The following PTPN3 variants were observed in gnomAD, a reference collection of about 807,000 sequenced individuals.
PTPN3 encodes the protein tyrosine-protein phosphatase non-receptor type 3.
Under a neutral mutation model 132.7 loss-of-function variants are expected in PTPN3, and 96 were observed. The observed-to-expected ratio is 0.72, with a 90% CI of 0.61 to 0.86. The LOEUF (loss-of-function observed/expected upper bound fraction) is 0.86. Among genes scored for constraint, PTPN3 ranks in the 40% least tolerant of loss-of-function variants. The pLI, the probability that PTPN3 is intolerant of heterozygous loss-of-function variation, is 0.00. For synonymous variants in PTPN3, 398 were observed against 429.0 expected (o/e 0.93, Z 0.89); for missense variants, 1,125 against 1,159.6 (o/e 0.97, Z 0.43).
intron 1 of PTPN3, among the ~76,000 whole-genome samples, chr9:109,478,330 C>T (rs1846788098): frequency 6.6e-6 from 1 of 152,230 alleles, no homozygotes; most frequent in African/African-American, 2.4e-5. Context: ...CTCATGATCA[C>T]TATCCAACAT....
intron 21 of PTPN3, among the ~76,000 whole-genome samples, chr9:109,390,686 A>G (rs1839997664): frequency 6.6e-6 from 1 of 152,216 alleles, no homozygotes; most frequent in South Asian, 2.1e-4. Flanking sequence ...AGAGAAAATA[A>G]GTGCTTTTCC....
intron 14 of PTPN3, among the ~76,000 whole-genome samples, chr9:109,415,040 G>GTCCGTCCGTCCA (rs1564413420): frequency 1.0e-4 from 15 of 147,178 alleles, no homozygotes; most frequent in Admixed American, 6.2e-4. Context: ...CTGTCCGTCC[G>GTCCGTCCGTCCA]TCCGTCCGTC....
At chr9:109,446,814 C>T (rs1844893717) in intron 6 of PTPN3, among the ~76,000 whole-genome samples, 1 of 152,240 alleles carries the variant, frequency 6.6e-6, no homozygotes. Flanking sequence ...CCGCATGTTC[C>T]TAAACACATC....
At chr9:109,407,239 G>T (rs1841641091) in intron 17 of PTPN3, among the ~76,000 whole-genome samples, 1 of 152,134 alleles carries the variant, frequency 6.6e-6, no homozygotes, top group Admixed American at 6.5e-5. Flanking sequence ...GGTAACTATG[G>T]AGCCAGGTGA....
chr9:109,415,060 A>ATCCG (rs1231921718), intron 14 of PTPN3, among the ~76,000 whole-genome samples: 1 of 44,742 alleles, frequency 2.2e-5, no homozygotes, highest in East Asian at 6.4e-4. Context: ...CCATCCGTCC[A>ATCCG]TCCGTCCGTC....
chr9:109,412,174 T>C (rs1842122582), intron 14 of PTPN3, among the ~76,000 whole-genome samples: 1 of 152,130 alleles, frequency 6.6e-6, no homozygotes, highest in African/African-American at 2.4e-5. Flanking sequence ...TCTCTACCTC[T>C]GTCTCCCTCT....
chr9:109,383,253 G>A (rs532428966), intron 23 of PTPN3, 170 bp downstream of exon 23: 17 of 1,161,694 alleles, frequency 1.5e-5, no homozygotes, highest in African/African-American at 4.5e-5. Context: ...TTGTGACTAG[G>A]GCCACTGTGA....
chr9:109,413,262 C>T (rs1842217846), intron 14 of PTPN3, among the ~76,000 whole-genome samples: 1 of 152,120 alleles, frequency 6.6e-6, no homozygotes, highest in Non-Finnish European at 1.5e-5. Flanking sequence ...CCTGCCCTAA[C>T]CTATTTTCTA....
the PTPN3 span, among the ~76,000 whole-genome samples, chr9:109,530,673 C>T: frequency 6.6e-6 from 1 of 152,166 alleles, no homozygotes; most frequent in Non-Finnish European, 1.5e-5. Context: ...TTTACATTCC[C>T]ACCAGCAGTG....
intron 22 of PTPN3, 77 bp downstream of exon 22, chr9:109,389,156 T>C: frequency 2.6e-6 from 4 of 1,545,404 alleles, no homozygotes; most frequent in Non-Finnish European, 3.5e-6. Flanking sequence ...TGAAGACCCT[T>C]CTCAGCGCTG....
At chr9:109,417,610 G>A (rs1405122005) in intron 14 of PTPN3, 1 of 983,916 alleles carries the variant, frequency 1.0e-6, no homozygotes, top group Non-Finnish European at 1.2e-6. Flanking sequence ...GGGGTTCCCA[G>A]ACCCTCAGGA....
At chr9:109,446,790 T>C (rs1399588292) in intron 6 of PTPN3, among the ~76,000 whole-genome samples, 1 of 152,238 alleles carries the variant, frequency 6.6e-6, no homozygotes, top group African/African-American at 2.4e-5. Flanking sequence ...GCCTCTGTTC[T>C]GCTCTCAACT....
At chr9:109,493,936 T>G (rs750999770) in intron 1 of PTPN3, among the ~76,000 whole-genome samples, 3 of 152,218 alleles carry the variant, frequency 2.0e-5, no homozygotes, top group Non-Finnish European at 4.4e-5. Flanking sequence ...AAGTTACTAT[T>G]TGGAGAGCAC....
At chr9:109,435,554 T>C (rs928534052) in intron 9 of PTPN3, among the ~76,000 whole-genome samples, 1 of 152,174 alleles carries the variant, frequency 6.6e-6, no homozygotes, top group Non-Finnish European at 1.5e-5. Flanking sequence ...ATAAACCTTA[T>C]GATATGAAGC....
chr9:109,480,699 A>G (rs1323888137), intron 1 of PTPN3, among the ~76,000 whole-genome samples: 1 of 152,122 alleles, frequency 6.6e-6, no homozygotes, highest in Non-Finnish European at 1.5e-5. Context: ...TTTTGAGTGA[A>G]TTTTTGTATA....
At chr9:109,519,098 C>T in the PTPN3 span, among the ~76,000 whole-genome samples, 1 of 152,196 alleles carries the variant, frequency 6.6e-6, no homozygotes, top group African/African-American at 2.4e-5. Context: ...ACATCTGTCT[C>T]TTTCTCTCCA....
chr9:109,389,092 T>G, intron 22 of PTPN3, 141 bp downstream of exon 22: 1 of 1,078,992 alleles, frequency 9.3e-7, no homozygotes, highest in Non-Finnish European at 1.3e-6. Flanking sequence ...GGGTGTCTAT[T>G]GGTTGCTCTG....
chr9:109,387,677 A>G (rs1321298624), intron 22 of PTPN3, among the ~76,000 whole-genome samples: 1 of 152,222 alleles, frequency 6.6e-6, no homozygotes, highest in Admixed American at 6.5e-5. Context: ...TAAACAGTGG[A>G]AAGCGGTGGT....
At chr9:109,488,933 TG>T (rs1847334942) in intron 1 of PTPN3, among the ~76,000 whole-genome samples, 1 of 152,220 alleles carries the variant, frequency 6.6e-6, no homozygotes, top group African/African-American at 2.4e-5. Context: ...CCTGCTTCCC[TG>T]CCTTTGCCAA....
Sources: gnomAD v4.1 joint callset for allele counts (sites outside exome capture counted in the v4.1 genomes callset) on GRCh38, gnomAD v4.1.1 for gene constraint, MANE v1.5 for transcripts, NCBI Gene and HGNC (gene_info 2026-07-23, HGNC 2026-07-21) for gene names.